FOXP1: variants seen among roughly 807,000 people sequenced by gnomAD.
The protein encoded by FOXP1 is forkhead box protein P1.
Under a neutral mutation model 98.2 loss-of-function variants are expected in FOXP1, and 15 were observed. The observed-to-expected ratio is 0.15, with a 90% CI of 0.10 to 0.24. The LOEUF (loss-of-function observed/expected upper bound fraction) is 0.24. Ranked by LOEUF, FOXP1 falls within the 10% of genes least tolerant of loss-of-function variation. The pLI is 1.00. For missense variants in FOXP1, 633 were observed against 848.5 expected (o/e 0.75, Z 3.15); for synonymous variants, 371 against 314.5 (o/e 1.18, Z -1.90).
At chr3:71,144,705 T>C (rs550314060) in intron 6 of FOXP1, among the ~76,000 whole-genome samples, 7 of 152,010 alleles carry the variant, frequency 4.6e-5, no homozygotes, top group East Asian at 1.9e-4. Context: ...GACTGACACA[T>C]TGATTTTTGG....
intron 2 of FOXP1, among the ~76,000 whole-genome samples, chr3:71,551,252 A>G (rs1316157942): frequency 6.6e-6 from 1 of 152,226 alleles, no homozygotes; most frequent in Non-Finnish European, 1.5e-5. Flanking sequence ...AACATTCTAT[A>G]AAATGTCAAG....
chr3:71,424,909 G>A (rs1440727127), intron 3 of FOXP1, among the ~76,000 whole-genome samples: 1 of 152,210 alleles, frequency 6.6e-6, no homozygotes, highest in African/African-American at 2.4e-5. Flanking sequence ...ACTGTAAGAG[G>A]TAAGGAGTGA....
intron 14 of FOXP1, among the ~76,000 whole-genome samples, chr3:70,978,494 T>A (rs534358244): frequency 1.3e-5 from 2 of 152,286 alleles, no homozygotes; most frequent in African/African-American, 4.8e-5. Context: ...TTCTGCAATA[T>A]GCTAGCACAA....
At chr3:71,235,724 G>A (rs1286917983) in intron 5 of FOXP1, among the ~76,000 whole-genome samples, 1 of 152,102 alleles carries the variant, frequency 6.6e-6, no homozygotes, top group Non-Finnish European at 1.5e-5. Flanking sequence ...GTGCCACCAT[G>A]CCCGGCTAAT....
chr3:71,453,537 T>G (rs1484211419), intron 3 of FOXP1, among the ~76,000 whole-genome samples: 1 of 152,182 alleles, frequency 6.6e-6, no homozygotes, highest in Non-Finnish European at 1.5e-5. Context: ...GCAAACAATG[T>G]CTGGTACTGA....
intron 2 of FOXP1, among the ~76,000 whole-genome samples, chr3:71,539,032 T>A (rs1295365503): frequency 1.3e-5 from 2 of 151,914 alleles, no homozygotes; most frequent in Non-Finnish European, 2.9e-5. Context: ...TTGATCTGTA[T>A]CTCCATACTT....
intron 5 of FOXP1, among the ~76,000 whole-genome samples, chr3:71,237,048 A>G (rs1284083382): frequency 6.6e-6 from 1 of 151,064 alleles, no homozygotes; most frequent in Admixed American, 6.6e-5. Context: ...CCTGACCAAC[A>G]TGGTGAAACC....
chr3:71,013,363 T>A (rs2043946739), intron 12 of FOXP1, among the ~76,000 whole-genome samples: 1 of 152,154 alleles, frequency 6.6e-6, no homozygotes, highest in African/African-American at 2.4e-5. Flanking sequence ...TGGCCAGTAA[T>A]TGTCACCAAT....
chr3:71,455,617 C>T (rs12108053), intron 3 of FOXP1, among the ~76,000 whole-genome samples: 47,499 of 151,988 alleles, frequency 0.31, 7,617 homozygotes, highest in Middle Eastern at 0.37. Context: ...AGAAACAAGA[C>T]ACATTTGCTT....
intron 5 of FOXP1, among the ~76,000 whole-genome samples, chr3:71,228,813 TA>T (rs1386543495): frequency 6.6e-6 from 1 of 152,066 alleles, no homozygotes; most frequent in Non-Finnish European, 1.5e-5. Context: ...GGCAGAAAAA[TA>T]ATATTCTTTA....
At chr3:71,369,132 G>A (rs1034742013) in intron 3 of FOXP1, among the ~76,000 whole-genome samples, 6 of 151,882 alleles carry the variant, frequency 4.0e-5, no homozygotes, top group Admixed American at 2.0e-4. Flanking sequence ...GCTCACGCCT[G>A]TAATCCCAGC....
At chr3:71,089,204 G>A (rs1351341825) in intron 7 of FOXP1, among the ~76,000 whole-genome samples, 1 of 152,184 alleles carries the variant, frequency 6.6e-6, no homozygotes, top group Non-Finnish European at 1.5e-5. Flanking sequence ...AAATATGGCA[G>A]AAGTAATGGT....
In FOXP1 at chr3:71,132,762, T is replaced by C. The variant is rs140106808; in HGVS notation, c.181-20125A>G. On this transcript the variant is annotated intron_variant, in intron 6 of 20. Transcript: ENST00000649528. ...ACCAATTTTTAAAAGCTGTAATCAG[T>C]TTAGCATTTGCCTTGTGCAAACGAG... Among the ~76,000 whole-genome samples the C allele has an allele frequency of 4.8e-3, 734 of 152,252 alleles. 7 individuals carry two copies. The highest frequency in any genetic ancestry group is 0.017 in the African/African-American group (709 of 41,544).
intron 6 of FOXP1, among the ~76,000 whole-genome samples, chr3:71,170,878 T>A (rs2061618114): frequency 6.6e-6 from 1 of 152,200 alleles, no homozygotes; most frequent in Non-Finnish European, 1.5e-5. Context: ...CCAGCCACAA[T>A]GAATTCAAAA....
intron 6 of FOXP1, among the ~76,000 whole-genome samples, chr3:71,114,198 TA>T (rs2058180039): frequency 6.6e-6 from 1 of 152,172 alleles, no homozygotes; most frequent in Admixed American, 6.5e-5. Context: ...GTGTGTTCCT[TA>T]AAAAGGAACA....
intron 7 of FOXP1, among the ~76,000 whole-genome samples, chr3:71,071,301 C>T (rs1376380551): frequency 6.6e-6 from 1 of 152,194 alleles, no homozygotes; most frequent in East Asian, 1.9e-4. Context: ...TCTCCACTTT[C>T]CAGTCTTTGA....
At chr3:71,328,981 AAAAAAAAAC>A (rs2076103783) in intron 4 of FOXP1, among the ~76,000 whole-genome samples, 1 of 128,034 alleles carries the variant, frequency 7.8e-6, no homozygotes, top group Non-Finnish European at 1.7e-5. Flanking sequence ...CGCTAAAAAA[AAAAAAAAAC>A]AAAAAAAAAA....
intron 17 of FOXP1, among the ~76,000 whole-genome samples, chr3:70,973,902 C>T (rs1371132681): frequency 1.4e-5 from 2 of 141,760 alleles, no homozygotes; most frequent in African/African-American, 5.3e-5. Context: ...CTGAATTATC[C>T]TTAACGGTGG....
chr3:71,027,019 T>C (rs753117574), intron 11 of FOXP1, among the ~76,000 whole-genome samples: 106 of 152,310 alleles, frequency 7.0e-4, no homozygotes, highest in Non-Finnish European at 1.2e-3. Context: ...TAACTAAAAG[T>C]TTACCACTGG....
Sources: allele counts gnomAD v4.1 joint callset (sites outside exome capture counted in the v4.1 genomes callset), GRCh38; gene constraint gnomAD v4.1.1; transcripts MANE v1.5; gene names NCBI Gene and HGNC (gene_info 2026-07-23, HGNC 2026-07-21).